Variants in IPO11 observed in about 807,000 individuals in gnomAD.
IPO11 encodes importin 11.
A neutral mutation model predicts 143.2 loss-of-function variants in IPO11; 66 were observed. The ratio of observed to expected loss-of-function variants is 0.46; its 90% CI spans 0.38 to 0.57. The LOEUF (loss-of-function observed/expected upper bound fraction) is 0.57, where lower values mean the gene tolerates loss of function less well. IPO11 is among the 20% of genes least tolerant of loss of function. The probability of loss-of-function intolerance (pLI) is 0.00; values close to 1 mark genes in which losing one functional copy is unlikely to be tolerated. For synonymous variants in IPO11, 385 were observed against 377.8 expected, an observed-to-expected ratio of 1.02 and a Z score of -0.22; for missense variants, 1,026 against 1,141.0, an observed-to-expected ratio of 0.90 and a Z score of 1.45.
intron 22 of IPO11, among the ~76,000 whole-genome samples, chr5:62,534,795 C>A (rs1043752101): frequency 7.2e-5 from 11 of 152,056 alleles, no homozygotes; most frequent in Non-Finnish European, 1.6e-4. Context: ...TCCCAAATGT[C>A]CTGTAGGGGA....
intron 9 of IPO11, among the ~76,000 whole-genome samples, chr5:62,478,264 C>G (rs534395908): frequency 2.6e-5 from 4 of 152,126 alleles, no homozygotes; most frequent in Non-Finnish European, 5.9e-5. Context: ...CTTGTGGGCT[C>G]AAGTGATCCT....
intron 26 of IPO11, among the ~76,000 whole-genome samples, chr5:62,558,626 A>G (rs1363435223): frequency 6.6e-6 from 1 of 152,248 alleles, no homozygotes; most frequent in Non-Finnish European, 1.5e-5. Flanking sequence ...GTAAAGTATC[A>G]TCATGAATTG....
intron 16 of IPO11, among the ~76,000 whole-genome samples, chr5:62,499,550 T>A (rs1207473330): frequency 6.7e-6 from 1 of 148,798 alleles, no homozygotes; most frequent in African/African-American, 2.5e-5. Flanking sequence ...AACAATAAAT[T>A]AACCACATCT....
intron 1 of IPO11, among the ~76,000 whole-genome samples, chr5:62,423,679 A>G (rs152186): frequency 0.53 from 81,005 of 151,976 alleles, 21,779 homozygotes; most frequent in East Asian, 0.66. Flanking sequence ...TACCTCCCAC[A>G]TACTTCTCTA....
chr5:62,432,614 A>G (rs139963258), intron 1 of IPO11, among the ~76,000 whole-genome samples: 157 of 152,336 alleles, frequency 1.0e-3, no homozygotes, highest in Non-Finnish European at 1.4e-3. Context: ...TATTTGCTGT[A>G]TGCGGTTAAG....
intron 1 of IPO11, among the ~76,000 whole-genome samples, chr5:62,428,463 C>T (rs900639836): frequency 2.0e-5 from 3 of 152,110 alleles, no homozygotes; most frequent in Non-Finnish European, 4.4e-5. Context: ...CCTGTCTCAG[C>T]ATCCTGAGTA....
intron 1 of IPO11, among the ~76,000 whole-genome samples, chr5:62,419,344 T>C (rs1420265271): frequency 1.3e-5 from 2 of 152,172 alleles, no homozygotes; most frequent in Non-Finnish European, 2.9e-5. Flanking sequence ...TATTAAGAAA[T>C]TTTTTTCTTC....
intron 24 of IPO11, among the ~76,000 whole-genome samples, chr5:62,544,559 C>G (rs1267154075): frequency 6.6e-6 from 1 of 152,180 alleles, no homozygotes; most frequent in Admixed American, 6.5e-5. Context: ...GATACCCTGT[C>G]TCACCACTCC....
intron 29 of IPO11, among the ~76,000 whole-genome samples, chr5:62,603,611 C>G (rs1580377302): frequency 2.6e-5 from 4 of 152,206 alleles, no homozygotes; most frequent in East Asian, 1.9e-4. Context: ...CACACACTTA[C>G]ACTCAGATGG....
rs372513934 is a variant in IPO11, at chr5:62,550,336, A to G, written c.2251-31A>G. 1.3e-4 allele frequency: 189 copies of G among 1,487,482 alleles called. No homozygotes were observed. In the Middle Eastern group the frequency reaches 1.4e-3, roughly 11 times the overall value. 92.1% of individuals were successfully genotyped at this position (1,487,482 alleles called of 1,614,324 possible). On this transcript the variant is annotated intron_variant, in intron 24 of 29. Coordinates refer to ENST00000325324, the MANE Select transcript of IPO11 (RefSeq NM_016338.5). ...TTTTCATAAAGCAATGACTTGCAGTATTATCACCAATCTTTCTTTCTGGTT... is the reference window on the plus strand; with the variant it reads ...TTTTCATAAAGCAATGACTTGCAGTGTTATCACCAATCTTTCTTTCTGGTT...
chr5:62,522,310 G>A (rs1328607712), intron 20 of IPO11, among the ~76,000 whole-genome samples: 23 of 149,282 alleles, frequency 1.5e-4, no homozygotes, highest in Non-Finnish European at 3.3e-4. Context: ...TTTGAGACAG[G>A]ATCTCACTCT....
intron 3 of IPO11, among the ~76,000 whole-genome samples, chr5:62,445,749 G>C (rs1223001903): frequency 1.3e-5 from 2 of 152,102 alleles, no homozygotes; most frequent in African/African-American, 4.8e-5. Context: ...CTAAGATAAT[G>C]ATGTTCAGTA....
At chr5:62,489,195 A>G (rs1746517195) in intron 13 of IPO11, 107 bp from the exon 14 acceptor site, 3 of 569,300 alleles carry the variant, frequency 5.3e-6, no homozygotes, top group Non-Finnish European at 8.7e-6. Flanking sequence ...GAAATGTGTT[A>G]TACTTAATTG....
intron 5 of IPO11, among the ~76,000 whole-genome samples, chr5:62,459,430 C>T (rs1007541769): frequency 1.3e-5 from 2 of 151,606 alleles, no homozygotes; most frequent in African/African-American, 4.9e-5. Context: ...TGAGAGACAT[C>T]AGCAGTTTGG....
intron 28 of IPO11, among the ~76,000 whole-genome samples, chr5:62,596,549 A>G (rs1264194560): frequency 6.6e-6 from 1 of 152,162 alleles, no homozygotes; most frequent in Non-Finnish European, 1.5e-5. Flanking sequence ...TCAGACCAGT[A>G]GAACAGCCTG....
At chr5:62,526,086 G>T in intron 20 of IPO11, 56 bp from the exon 21 acceptor site, 2 of 1,103,860 alleles carry the variant, frequency 1.8e-6, no homozygotes, top group Non-Finnish European at 2.7e-6. Flanking sequence ...TAATTTTTTG[G>T]TGCGGGATGG....
At chr5:62,493,778 A>T (rs896948192) in intron 15 of IPO11, among the ~76,000 whole-genome samples, 6 of 152,168 alleles carry the variant, frequency 3.9e-5, no homozygotes, top group Non-Finnish European at 7.3e-5. Context: ...CATGTTGCCC[A>T]GATTGGTCTT....
At chr5:62,501,420 A>T (rs1469480573) in intron 16 of IPO11, among the ~76,000 whole-genome samples, 1 of 152,228 alleles carries the variant, frequency 6.6e-6, no homozygotes, top group Non-Finnish European at 1.5e-5. Context: ...AACCAAGAAG[A>T]AAGGAAACCT....
In IPO11 at chr5:62,451,852, C is replaced by A. The variant is rs1744938598; in HGVS notation, c.435C>A (p.His145Gln). 1.2e-6 allele frequency: 2 copies of A among 1,613,792 alleles called. No individual in the cohort carries two copies. Among genetic ancestry groups the A allele is most frequent in the African/African-American group, 2.7e-5 (2 of 74,926 alleles). ...SVKVQDDLRQHRALLTFYHVT... is the reference protein window; with the variant it reads ...SVKVQDDLRQQRALLTFYHVT... ...AAGTCCAGGATGATCTTCGACAGCA[C>A]AGAGCATTACTTACCTTCTATCATG... The change falls in exon 5 of 30, where the codon CAC becomes CAA. Residue 145 changes from histidine to glutamine, a missense_variant. Around this residue, in one of 5 missense-constraint regions of IPO11, gnomAD observed 429 missense variants for 456.3 expected, o/e 0.94. Coordinates refer to ENST00000325324, the MANE Select transcript of IPO11 (RefSeq NM_016338.5).
Sources: allele counts gnomAD v4.1 joint callset (sites outside exome capture counted in the v4.1 genomes callset), GRCh38; gene constraint gnomAD v4.1.1; regional missense constraint gnomAD v4.1.1; transcripts MANE v1.5; gene names NCBI Gene and HGNC (gene_info 2026-07-23, HGNC 2026-07-21).